Variants in RANBP2 observed in about 807,000 individuals in gnomAD.
RANBP2 encodes E3 SUMO-protein ligase RanBP2.
RANBP2 carries 57 observed loss-of-function variants against 303.6 expected under a neutral mutation model. The ratio of observed to expected loss-of-function variants is 0.19; its 90% CI spans 0.15 to 0.23. RANBP2 has a LOEUF of 0.23. RANBP2 is among the 10% of genes least tolerant of loss of function. RANBP2 has a pLI of 1.00. For missense variants in RANBP2, 3,138 were observed against 3,780.8 expected (o/e 0.83, Z 4.46); for synonymous variants, 1,167 against 1,301.5 (o/e 0.90, Z 2.23).
chr2:109,031,197 A>G, the RANBP2 span, among the ~76,000 whole-genome samples: 1 of 151,870 alleles, frequency 6.6e-6, no homozygotes, highest in Admixed American at 6.6e-5. Flanking sequence ...TTTCCTTTTC[A>G]CCGTGCTGGA....
chr2:109,682,595 G>A, the RANBP2 span, among the ~76,000 whole-genome samples: 1 of 152,128 alleles, frequency 6.6e-6, no homozygotes, highest in African/African-American at 2.4e-5. Flanking sequence ...GACCTGCCAA[G>A]GAGAAAAATT....
the RANBP2 span, among the ~76,000 whole-genome samples, chr2:109,191,843 A>G: frequency 3.3e-5 from 5 of 152,188 alleles, no homozygotes; most frequent in African/African-American, 4.8e-5. Flanking sequence ...TATAAAAACA[A>G]TAACCCTTTA....
At chr2:109,360,703 C>A in the RANBP2 span, among the ~76,000 whole-genome samples, 1 of 152,292 alleles carries the variant, frequency 6.6e-6, no homozygotes, top group African/African-American at 2.4e-5. Context: ...AGTATTAGTT[C>A]TAGAAGTTCT....
chr2:109,631,388 C>T, the RANBP2 span, among the ~76,000 whole-genome samples: 7 of 152,166 alleles, frequency 4.6e-5, no homozygotes, highest in Admixed American at 2.6e-4. Context: ...TATTTGTAAT[C>T]CCAAGTCTTT....
chr2:109,706,395 G>T, the RANBP2 span, among the ~76,000 whole-genome samples: 6 of 152,208 alleles, frequency 3.9e-5, no homozygotes, highest in African/African-American at 1.4e-4. Context: ...CCCTGCCCTA[G>T]GGCCTCTGCA....
the RANBP2 span, among the ~76,000 whole-genome samples, chr2:109,621,964 T>C: frequency 1.4e-5 from 2 of 143,676 alleles, no homozygotes; most frequent in African/African-American, 5.2e-5. Context: ...TATTTGGTTG[T>C]AGTCAGTTCA....
chr2:109,149,340 C>T, the RANBP2 span, among the ~76,000 whole-genome samples: 1 of 152,336 alleles, frequency 6.6e-6, no homozygotes. Flanking sequence ...AGCTCCTCTA[C>T]TCCATTTAAT....
the RANBP2 span, among the ~76,000 whole-genome samples, chr2:109,552,133 G>A: frequency 2.6e-3 from 395 of 152,310 alleles, no homozygotes; most frequent in African/African-American, 3.9e-3. Flanking sequence ...TTGGTTGTGC[G>A]CTCCTTGTGA....
At chr2:109,472,078 A>G in the RANBP2 span, among the ~76,000 whole-genome samples, 2 of 152,170 alleles carry the variant, frequency 1.3e-5, no homozygotes, top group Non-Finnish European at 2.9e-5. Context: ...TCAAATTCCC[A>G]TCCTTTTCTA....
chr2:109,742,187 C>T, the RANBP2 span, among the ~76,000 whole-genome samples: 2 of 80,474 alleles, frequency 2.5e-5, 1 homozygote, highest in South Asian at 1.1e-3. Flanking sequence ...TTTGGGAGGC[C>T]GGGATGGGCG....
the RANBP2 span, among the ~76,000 whole-genome samples, chr2:108,872,874 T>C: frequency 6.6e-6 from 1 of 152,336 alleles, no homozygotes; most frequent in South Asian, 2.1e-4. Flanking sequence ...TTCATCTAAA[T>C]AGCCCCACAA....
chr2:109,097,650 G>A, the RANBP2 span, among the ~76,000 whole-genome samples: 3 of 148,778 alleles, frequency 2.0e-5, no homozygotes, highest in East Asian at 5.9e-4. Context: ...TTTTTCCTAT[G>A]TGTAATGTGT....
the RANBP2 span, among the ~76,000 whole-genome samples, chr2:109,504,788 A>T: frequency 6.6e-6 from 1 of 152,280 alleles, no homozygotes; most frequent in Admixed American, 6.5e-5. Context: ...GGGTGCACCG[A>T]ATCTGTATCA....
the RANBP2 span, among the ~76,000 whole-genome samples, chr2:108,844,721 C>T: frequency 6.6e-6 from 1 of 151,296 alleles, no homozygotes; most frequent in Admixed American, 6.6e-5. Flanking sequence ...TTCTCTTTTC[C>T]TTCAATTAAA....
the RANBP2 span, among the ~76,000 whole-genome samples, chr2:109,659,368 C>A: frequency 6.6e-6 from 1 of 152,110 alleles, no homozygotes; most frequent in African/African-American, 2.4e-5. Context: ...GAGATTTCAT[C>A]CCCCCCAAAA....
the RANBP2 span, among the ~76,000 whole-genome samples, chr2:109,206,533 G>A: frequency 6.9e-6 from 1 of 144,744 alleles, no homozygotes. Context: ...AGGAGGCTGA[G>A]TGTGGTGGCT....
chr2:109,324,151 T>TA, the RANBP2 span, among the ~76,000 whole-genome samples: 1 of 152,272 alleles, frequency 6.6e-6, no homozygotes, highest in Non-Finnish European at 1.5e-5. Flanking sequence ...TTCATGTTTT[T>TA]ATGGCTGAAT....
chr2:108,977,881 A>G, the RANBP2 span, among the ~76,000 whole-genome samples: 1 of 152,232 alleles, frequency 6.6e-6, no homozygotes, highest in Non-Finnish European at 1.5e-5. Flanking sequence ...ACAAGACATC[A>G]TATTAAATGA....
chr2:109,713,299 G>T, the RANBP2 span, among the ~76,000 whole-genome samples: 1 of 152,090 alleles, frequency 6.6e-6, no homozygotes, highest in Non-Finnish European at 1.5e-5. Flanking sequence ...CTCCTGGTAA[G>T]GCTTAGGGCC....
Sources: gnomAD v4.1 joint callset for allele counts (sites outside exome capture counted in the v4.1 genomes callset) on GRCh38, gnomAD v4.1.1 for gene constraint, MANE v1.5 for transcripts, NCBI Gene and HGNC (gene_info 2026-07-23, HGNC 2026-07-21) for gene names.